RALGAPA1: variants seen among roughly 807,000 people sequenced by gnomAD.
The protein encoded by RALGAPA1 is ral GTPase-activating protein subunit alpha-1.
In RALGAPA1, 52 loss-of-function variants were observed where a neutral mutation model predicts 269.6. The observed-to-expected ratio is 0.19, with a 90% CI of 0.15 to 0.24. The LOEUF is 0.24. Among genes scored for constraint, RALGAPA1 ranks in the 10% least tolerant of loss-of-function variants. The probability of loss-of-function intolerance (pLI) is 1.00; values close to 1 mark genes in which losing one functional copy is unlikely to be tolerated. For synonymous variants in RALGAPA1, 817 were observed against 1,008.3 expected, an observed-to-expected ratio of 0.81 and a Z score of 3.60; for missense variants, 1,917 against 3,013.9, an observed-to-expected ratio of 0.64 and a Z score of 8.52.
intron 26 of RALGAPA1, among the ~76,000 whole-genome samples, chr14:35,670,023 G>C (rs966071275): frequency 6.6e-6 from 1 of 152,180 alleles, no homozygotes; most frequent in African/African-American, 2.4e-5. Context: ...TGGAAAAACA[G>C]GGTTATACAG....
At chr14:35,663,042 C>A (rs2063653048) in intron 27 of RALGAPA1, among the ~76,000 whole-genome samples, 1 of 151,986 alleles carries the variant, frequency 6.6e-6, no homozygotes, top group African/African-American at 2.4e-5. Flanking sequence ...GTAGCTGGGA[C>A]CACAGGTGTG....
chr14:35,548,401 A>G, intron 41 of RALGAPA1, 107 bp downstream of exon 41: 1 of 694,440 alleles, frequency 1.4e-6, no homozygotes, highest in South Asian at 2.7e-5. Context: ...TGAACCGGAC[A>G]GTGTTAAGTT....
At chr14:35,747,948 A>G (rs1180315723) in intron 10 of RALGAPA1, among the ~76,000 whole-genome samples, 1 of 151,202 alleles carries the variant, frequency 6.6e-6, no homozygotes, top group African/African-American at 2.4e-5. Context: ...ATCAACTTTG[A>G]CTTCAGAATG....
At chr14:35,609,193 C>T (rs557250248) in intron 35 of RALGAPA1, among the ~76,000 whole-genome samples, 73 of 151,366 alleles carry the variant, frequency 4.8e-4, no homozygotes, top group Non-Finnish European at 7.4e-4. Context: ...CGCCACTGCA[C>T]TCCAGCCTAG....
At chr14:35,622,846 C>T (rs1019646557) in intron 35 of RALGAPA1, among the ~76,000 whole-genome samples, 1 of 152,144 alleles carries the variant, frequency 6.6e-6, no homozygotes, top group Admixed American at 6.5e-5. Context: ...TGCCTATAAT[C>T]CCAGCACTTT....
intron 13 of RALGAPA1, among the ~76,000 whole-genome samples, chr14:35,726,717 T>C (rs2069948664): frequency 6.6e-6 from 1 of 152,212 alleles, no homozygotes; most frequent in African/African-American, 2.4e-5. Context: ...TCTAAAATTG[T>C]TTTCTACATA....
At chr14:35,554,871 G>T (rs137914082) in intron 39 of RALGAPA1, among the ~76,000 whole-genome samples, 268 of 152,268 alleles carry the variant, frequency 1.8e-3, no homozygotes, top group African/African-American at 5.6e-3. Context: ...CCAACACAGG[G>T]CCTGGTAGTA....
At chr14:35,565,220 G>A (rs1254087164) in intron 39 of RALGAPA1, among the ~76,000 whole-genome samples, 2 of 151,406 alleles carry the variant, frequency 1.3e-5, no homozygotes, top group African/African-American at 4.8e-5. Flanking sequence ...AGGATAAAAA[G>A]AAAAGAAAAA....
intron 36 of RALGAPA1, among the ~76,000 whole-genome samples, chr14:35,600,910 T>G (rs1448018300): frequency 6.6e-6 from 1 of 152,244 alleles, no homozygotes; most frequent in African/African-American, 2.4e-5. Context: ...CATAAGACTC[T>G]GGATCTTATT....
intron 26 of RALGAPA1, among the ~76,000 whole-genome samples, chr14:35,670,181 A>G (rs967625379): frequency 6.6e-6 from 1 of 152,154 alleles, no homozygotes; most frequent in Non-Finnish European, 1.5e-5. Context: ...TTCTTCTGAC[A>G]TCTTCCTCAT....
intron 1 of RALGAPA1, among the ~76,000 whole-genome samples, chr14:35,797,351 C>CAAAAAAAAAAAAAA (rs530576211): frequency 0.05 from 2,992 of 59,432 alleles, 358 homozygotes; most frequent in African/African-American, 0.092. Flanking sequence ...GACTCCGTCT[C>CAAAAAAAAAAAAAA]AAAAAAAAAA....
rs1434905762 is a variant in RALGAPA1, at chr14:35,538,444, T to C, written c.*1270A>G. 1 of 152,640 alleles carries C rather than the reference T, an allele frequency of 6.6e-6. No individual in the cohort carries two copies. Among genetic ancestry groups the C allele is most frequent in the Non-Finnish European group, 1.5e-5 (1 of 68,034 alleles). 9.5% of individuals were successfully genotyped at this position (152,640 alleles called of 1,614,324 possible). ...TTACAAATTATAGATACTACATGAA[T>C]GATGATACATAATTTATATTTTACG... On this transcript the variant is annotated 3_prime_UTR_variant, in exon 42 of 42. Transcript: ENST00000680220.
At chr14:35,752,267 C>T (rs2072783609) in intron 7 of RALGAPA1, 105 bp from the exon 8 acceptor site, 3 of 1,217,584 alleles carry the variant, frequency 2.5e-6, no homozygotes, top group Non-Finnish European at 3.3e-6. Flanking sequence ...ATACACTGAA[C>T]TGTTAACACT....
At chr14:35,570,365 CAG>C (rs1466237418) in intron 39 of RALGAPA1, among the ~76,000 whole-genome samples, 1 of 147,658 alleles carries the variant, frequency 6.8e-6, no homozygotes, top group Non-Finnish European at 1.5e-5. Flanking sequence ...CATCAATAAA[CAG>C]GGAATCAGGC....
chr14:35,678,145 T>C, intron 21 of RALGAPA1, 43 bp from the exon 22 acceptor site: 1 of 1,555,610 alleles, frequency 6.4e-7, no homozygotes, highest in Non-Finnish European at 8.7e-7. Context: ...GAGTATTCAA[T>C]ATCCTACCTA....
chr14:35,685,815 G>A (rs2065876188), intron 19 of RALGAPA1, among the ~76,000 whole-genome samples: 1 of 152,130 alleles, frequency 6.6e-6, no homozygotes. Context: ...CAGGCAGGAG[G>A]ATTGCTGGAA....
rs150014883 is a variant in RALGAPA1, at chr14:35,650,055, G to A, written c.5676+1750C>T. ...TTTGGAATTCTACACCATAGCCTGC[G>A]ACACTAAAGCGAAGGATTCTTGGCT... On this transcript the variant is annotated intron_variant, in intron 31 of 41. Transcript: ENST00000680220. Among the ~76,000 whole-genome samples the A allele has an allele frequency of 2.3e-3, 350 of 152,202 alleles. 1 individual carries two copies. Among genetic ancestry groups the A allele is most frequent in the African/African-American group, 8.0e-3 (332 of 41,528 alleles).
chr14:35,667,177 G>A (rs1000887096), intron 26 of RALGAPA1, among the ~76,000 whole-genome samples: 46 of 152,176 alleles, frequency 3.0e-4, no homozygotes, highest in Admixed American at 7.2e-4. Flanking sequence ...TGAGGCGGGC[G>A]GATCACGAGA....
At chr14:35,720,062 A>G (rs2069248348) in intron 16 of RALGAPA1, among the ~76,000 whole-genome samples, 1 of 152,222 alleles carries the variant, frequency 6.6e-6, no homozygotes, top group Non-Finnish European at 1.5e-5. Flanking sequence ...AACAATTCTT[A>G]ATACACAAAT....
Sources: allele counts gnomAD v4.1 joint callset (sites outside exome capture counted in the v4.1 genomes callset), GRCh38; gene constraint gnomAD v4.1.1; transcripts MANE v1.5; gene names NCBI Gene and HGNC (gene_info 2026-07-23, HGNC 2026-07-21).